The following AP2S1 variants were observed in gnomAD, a reference collection of about 807,000 sequenced individuals.
AP2S1 encodes the protein adaptor related protein complex 2 subunit sigma 1, also known as AP-2 complex subunit sigma.
A neutral mutation model predicts 21.0 loss-of-function variants in AP2S1; 6 were observed. The observed-to-expected ratio is 0.29, with a 90% CI of 0.16 to 0.56. The LOEUF (loss-of-function observed/expected upper bound fraction) is 0.56, where lower values mean the gene tolerates loss of function less well. Ranked by LOEUF, AP2S1 falls within the 20% of genes least tolerant of loss-of-function variation. The pLI is 0.92. For missense variants in AP2S1, 60 were observed against 186.2 expected (o/e 0.32, Z 3.95); for synonymous variants, 63 against 74.6 (o/e 0.84, Z 0.80).
chr19:46,846,441 G>GTT (rs1229404009), intron 1 of AP2S1, among the ~76,000 whole-genome samples: 73 of 104,668 alleles, frequency 7.0e-4, no homozygotes, highest in Middle Eastern at 6.4e-3. Context: ...ATCTCTCTCT[G>GTT]TTTTTTTTTT....
rs931710692 is a variant in AP2S1, at chr19:46,846,208, A to G, written c.4-66T>C. The G allele has an allele frequency of 6.9e-6, 11 of 1,584,582 alleles. No individual in the cohort carries two copies. The East Asian group carries it at 1.3e-4, about 19-fold the overall frequency. The stretch of plus-strand genomic sequence containing the variant: ...GAGAGGGCGGGTTGGGTGCTGCCCA[A>G]CGGCCCCACCCATCCACCCAGAGGG... On this transcript the variant is annotated intron_variant, in intron 1 of 4. Coordinates refer to ENST00000263270, the MANE Select transcript of AP2S1 (RefSeq NM_004069.6).
At chr19:46,840,621 C>A (rs779324260) in intron 2 of AP2S1, among the ~76,000 whole-genome samples, 1 of 151,928 alleles carries the variant, frequency 6.6e-6, no homozygotes, top group Non-Finnish European at 1.5e-5. Context: ...GCCCGGGAGA[C>A]CCTGTCTCAA....
chr19:46,847,653 G>A (rs558079238), intron 1 of AP2S1, among the ~76,000 whole-genome samples: 48 of 152,174 alleles, frequency 3.2e-4, no homozygotes, highest in African/African-American at 1.1e-3. Context: ...TGTCTCTGTG[G>A]ATGTGTCTGT....
chr19:46,850,074 T>G, intron 1 of AP2S1: 1 of 1,193,134 alleles, frequency 8.4e-7, no homozygotes, highest in Non-Finnish European at 1.0e-6. Context: ...CCCCACAAGA[T>G]CTCTCCTCTT....
chr19:46,848,891 T>G (rs1599776388), intron 1 of AP2S1, among the ~76,000 whole-genome samples: 1 of 152,030 alleles, frequency 6.6e-6, no homozygotes, highest in African/African-American at 2.4e-5. Context: ...TTTTGTATTT[T>G]TAGTAGAGAC....
intron 2 of AP2S1, 50 bp downstream of exon 2, chr19:46,845,943 G>A (rs1419256876): frequency 6.2e-7 from 1 of 1,610,144 alleles, no homozygotes; most frequent in East Asian, 2.2e-5. Flanking sequence ...GAGTGGCGAA[G>A]TAGGGCACGA....
At chr19:46,846,757 C>G (rs2055642737) in intron 1 of AP2S1, among the ~76,000 whole-genome samples, 1 of 152,190 alleles carries the variant, frequency 6.6e-6, no homozygotes, top group Admixed American at 6.5e-5. Context: ...CCTCCGCCTC[C>G]CAGGTTCAAG....
intron 1 of AP2S1, among the ~76,000 whole-genome samples, chr19:46,848,829 C>T (rs1011292487): frequency 3.9e-5 from 6 of 152,176 alleles, no homozygotes; most frequent in Non-Finnish European, 8.8e-5. Flanking sequence ...TCTCCTGCCT[C>T]AGCCTCCTAA....
At chr19:46,839,300 AAAAAAAAAAAAAAAAAAGAAAAAG>A (rs2055470288) in intron 3 of AP2S1, among the ~76,000 whole-genome samples, 141 bp downstream of exon 3, 1 of 57,092 alleles carries the variant, frequency 1.8e-5, no homozygotes, top group Non-Finnish European at 3.2e-5. Context: ...AAAAAAAAAA[AAAAAAAAAAAAAAAAAAGAAAAAG>A]AAAAAAAAGA....
At chr19:46,841,965 G>T (rs1255718319) in intron 2 of AP2S1, among the ~76,000 whole-genome samples, 1 of 152,190 alleles carries the variant, frequency 6.6e-6, no homozygotes, top group Non-Finnish European at 1.5e-5. Context: ...GCCAAGGCTT[G>T]ATCTCAGGAG....
chr19:46,840,678 G>A (rs964423722), intron 2 of AP2S1, among the ~76,000 whole-genome samples: 20 of 150,074 alleles, frequency 1.3e-4, no homozygotes, highest in Admixed American at 6.7e-4. Context: ...TGCCTGTGTC[G>A]CCACCTGCTG....
chr19:46,841,420 C>T (rs569763551), intron 2 of AP2S1, among the ~76,000 whole-genome samples: 2 of 152,206 alleles, frequency 1.3e-5, no homozygotes, highest in South Asian at 4.1e-4. Flanking sequence ...TTTTAAATTT[C>T]GAGGCTTCTC....
intron 2 of AP2S1, among the ~76,000 whole-genome samples, chr19:46,842,290 C>T (rs1324342545): frequency 6.6e-6 from 1 of 152,106 alleles, no homozygotes; most frequent in East Asian, 1.9e-4. Flanking sequence ...GACCCCCAGG[C>T]TGGGTCAGGT....
Position 46,838,413 on chromosome 19 carries a change from G to T in AP2S1, c.*34C>A. On this transcript the variant is annotated 3_prime_UTR_variant, in exon 5 of 5. Transcript: ENST00000263270. This position sits in a 1 kb window ranked among gnomAD's most constrained non-coding sequence, Gnocchi z 4.1. ...AGGGGAAGCGAGCAGGCGAGTCCAG[G>T]AGGGGCCGGGGCCGGGGTGGGGCTC... is the stretch of plus-strand genomic sequence containing the variant. 6.2e-7 allele frequency: 1 copy of T among 1,605,258 alleles called. No individual in the cohort carries two copies. Among genetic ancestry groups the T allele is most frequent in the Non-Finnish European group, 8.5e-7 (1 of 1,172,582 alleles).
At position 46,839,286 on chromosome 19, in the gene AP2S1, CAAAAAAAAAAAAAAAA is replaced by C. The variant is rs771792607; in HGVS notation, c.267+163_267+178del. Among the ~76,000 whole-genome samples the C allele has an allele frequency of 1.1e-4, 8 of 72,924 alleles. No individual in the cohort carries two copies. The East Asian group carries it at 1.6e-3, about 14-fold the overall frequency. 47.8% of individuals were successfully genotyped at this position (72,924 alleles called of 152,430 possible). A position where few individuals can be genotyped will look rare whatever the true frequency, so the allele number is the denominator to read the frequency against. ...TGGGCGACAGAACAAGACTCCGTCTCAAAAAAAAAAAAAAAAAAAAAAAAAAAAAAAGAAAAAGAAA... is the reference window on the plus strand; with the variant it reads ...TGGGCGACAGAACAAGACTCCGTCTCAAAAAAAAAAAAAAAGAAAAAGAAA... On this transcript the variant is annotated intron_variant, in intron 3 of 4. Transcript: ENST00000263270.
chr19:46,847,368 C>T (rs1342070836), intron 1 of AP2S1, among the ~76,000 whole-genome samples: 1 of 151,962 alleles, frequency 6.6e-6, no homozygotes, highest in Non-Finnish European at 1.5e-5. Flanking sequence ...AGGTGCACAC[C>T]ACCACGCCCA....
At chr19:46,846,893 T>C (rs1482352239) in intron 1 of AP2S1, among the ~76,000 whole-genome samples, 1 of 152,100 alleles carries the variant, frequency 6.6e-6, no homozygotes, top group Non-Finnish European at 1.5e-5. Context: ...CTCAAACTTC[T>C]GACCTCAGGT....
rs1430813866 is a variant in AP2S1 at position 46,850,756 on chromosome 19, C to G, written c.3+8G>C. 1 of 1,585,484 alleles carries G rather than the reference C, an allele frequency of 6.3e-7. No homozygotes were observed. The highest frequency in any genetic ancestry group is 8.6e-7 in the Non-Finnish European group (1 of 1,160,348). On this transcript the variant is annotated splice_region_variant and intron_variant, in intron 1 of 4. Coordinates refer to ENST00000263270, the MANE Select transcript of AP2S1 (RefSeq NM_004069.6). Reference sequence around the variant, plus strand: ...CCGCCAGTCCCCGGCGTAGCGCTCCCCCGTTACCATGGCGACCCCCGTCCA... The same window carrying G: ...CCGCCAGTCCCCGGCGTAGCGCTCCGCCGTTACCATGGCGACCCCCGTCCA...
At chr19:46,849,657 C>T (rs910933131) in intron 1 of AP2S1, among the ~76,000 whole-genome samples, 1 of 152,168 alleles carries the variant, frequency 6.6e-6, no homozygotes, top group Non-Finnish European at 1.5e-5. Context: ...TGAATCTCTG[C>T]ATCCTCACGC....
Sources: gnomAD v4.1 joint callset for allele counts (sites outside exome capture counted in the v4.1 genomes callset) on GRCh38, gnomAD v4.1.1 for gene constraint, Gnocchi (gnomAD v3.1) non-coding constraint, MANE v1.5 for transcripts, NCBI Gene and HGNC (gene_info 2026-07-23, HGNC 2026-07-21) for gene names.